The following CYP20A1 variants were observed in gnomAD, a reference collection of about 807,000 sequenced individuals.
The protein encoded by CYP20A1 is cytochrome P450 20A1.
CYP20A1 carries 61 observed loss-of-function variants against 61.4 expected under a neutral mutation model. The observed-to-expected ratio is 0.99, with a 90% confidence interval of 0.81 to 1.23. The LOEUF is 1.23. CYP20A1 is among the 50% of genes most tolerant of loss of function. CYP20A1 has a pLI of 0.00. For synonymous variants in CYP20A1, 193 were observed against 188.2 expected (o/e 1.03, Z -0.21); for missense variants, 530 against 542.4 (o/e 0.98, Z 0.23).
intron 3 of CYP20A1, among the ~76,000 whole-genome samples, chr2:203,250,920 C>T (rs949386101): frequency 1.3e-5 from 2 of 151,614 alleles, no homozygotes; most frequent in Admixed American, 6.6e-5. Context: ...AAAAATTAGC[C>T]GGGCATGCTG....
rs550882501 is a variant in CYP20A1 at position 203,296,842 on chromosome 2, A to C, written c.1323A>C (p.Glu441Asp). Reference sequence around the variant, plus strand: ...TTTCTGTGGAGGGACAGGTTATTGAAACAAAGTATGAACTGGTAACATCAT... The same window carrying C: ...TTTCTGTGGAGGGACAGGTTATTGACACAAAGTATGAACTGGTAACATCAT... Reference protein sequence around the residue: ...HLLSVEGQVIETKYELVTSSR... With the variant: ...HLLSVEGQVIDTKYELVTSSR... Residue 441 changes from glutamate to aspartate, a missense_variant, in exon 13 of 13, where the codon GAA (glutamate) becomes GAC (aspartate). By Grantham distance (45) the Glu-to-Asp change is conservative (BLOSUM62 2). Transcript: ENST00000356079. The C allele has an allele frequency of 7.7e-5, 124 of 1,611,904 alleles. 1 individual carries two copies. In the South Asian group the frequency reaches 1.3e-3, roughly 17 times the overall value.
At chr2:203,281,228 C>CA (rs1368546668) in intron 8 of CYP20A1, among the ~76,000 whole-genome samples, 1 of 152,000 alleles carries the variant, frequency 6.6e-6, no homozygotes, top group Admixed American at 6.6e-5. Flanking sequence ...ATTAGGGGAC[C>CA]AGGCAAGGTG....
In CYP20A1 at chr2:203,300,032, T is replaced by G. The variant is rs142841754; in HGVS notation, c.*3124T>G. On this transcript the variant is annotated 3_prime_UTR_variant, in exon 13 of 13. Transcript: ENST00000356079. ...AGAAGGTTAGAGTAGCCAATTGATA[T>G]GTAAACCAAGTGTCAGATCAGATGA... Among the ~76,000 whole-genome samples, 1 of 152,192 alleles carries G rather than the reference T, an allele frequency of 6.6e-6. No homozygotes were observed. Among genetic ancestry groups the G allele is most frequent in the Non-Finnish European group, 1.5e-5 (1 of 68,032 alleles).
chr2:203,270,417 G>T (rs1353513456), intron 5 of CYP20A1, among the ~76,000 whole-genome samples: 1 of 151,964 alleles, frequency 6.6e-6, no homozygotes, highest in Non-Finnish European at 1.5e-5. Flanking sequence ...GGGCTCAGGG[G>T]ATCCTCTGAC....
Position 203,297,045 on chromosome 2 carries a change from G to T in CYP20A1, c.*137G>T. 2 of 544,626 alleles carry T rather than the reference G, an allele frequency of 3.7e-6. No homozygotes were observed. The highest frequency in any genetic ancestry group is 6.3e-6 in the Non-Finnish European group (2 of 317,062). The allele number at this position is 544,626 out of a possible 1,614,324, so 33.7% of individuals were successfully genotyped here. On this transcript the variant is annotated 3_prime_UTR_variant, in exon 13 of 13. Transcript: ENST00000356079. ...ATTTGTACTTAATTTTGTAAATTTG[G>T]ATTTTTATATATCATATTTTCTTAA...
chr2:203,245,214 G>C (rs2105896205), intron 1 of CYP20A1, among the ~76,000 whole-genome samples: 1 of 151,278 alleles, frequency 6.6e-6, no homozygotes. Context: ...TTTTAGTAGA[G>C]AAGGGGTTTC....
At chr2:203,258,401 A>C (rs1369640737) in intron 4 of CYP20A1, among the ~76,000 whole-genome samples, 2 of 152,144 alleles carry the variant, frequency 1.3e-5, no homozygotes, top group Non-Finnish European at 1.5e-5. Context: ...AAAAAAAAAA[A>C]AAAAAAACGG....
At position 203,301,927 on chromosome 2, in the gene CYP20A1, T is replaced by G. The variant is rs576500531; in HGVS notation, c.*5019T>G. 4.6e-4 allele frequency among the ~76,000 whole-genome samples: 68 copies of G among 147,540 alleles called. No individual in the cohort carries two copies. The highest frequency in any genetic ancestry group is 7.9e-4 in the Non-Finnish European group (53 of 66,852). ...ACTGTTAAGATTCTTTTTTTTTTTTTTTTTTTTTTGTTTTGAGACTGAGTC... is the reference window on the plus strand; with the variant it reads ...ACTGTTAAGATTCTTTTTTTTTTTTGTTTTTTTTTGTTTTGAGACTGAGTC... On this transcript the variant is annotated 3_prime_UTR_variant, in exon 13 of 13. Transcript: ENST00000356079.
intron 5 of CYP20A1, among the ~76,000 whole-genome samples, chr2:203,269,619 C>T (rs1023053769): frequency 2.0e-5 from 3 of 151,878 alleles, no homozygotes; most frequent in Non-Finnish European, 2.9e-5. Context: ...CTCAGCCTCC[C>T]CAGTAGCTGG....
At chr2:203,252,995 G>A (rs969792778) in intron 4 of CYP20A1, among the ~76,000 whole-genome samples, 2 of 151,990 alleles carry the variant, frequency 1.3e-5, no homozygotes, top group East Asian at 3.9e-4. Context: ...CCTAGTTGGG[G>A]TGGCGAGCCA....
Position 203,303,911 on chromosome 2 carries a change from T to C in CYP20A1, c.*7003T>C, listed in dbSNP as rs2069120940. Among the ~76,000 whole-genome samples the C allele has an allele frequency of 6.8e-6, 1 of 146,606 alleles. No individual in the cohort carries two copies. The highest frequency in any genetic ancestry group is 2.5e-5 in the African/African-American group (1 of 39,734). On this transcript the variant is annotated 3_prime_UTR_variant, in exon 13 of 13. Transcript: ENST00000356079. ...AAAAAAAAACTTATTGAGAGAATAA[T>C]ATACCACTAATATTTAAAGAAATTT...
At chr2:203,245,421 G>A (rs1031598712) in intron 1 of CYP20A1, among the ~76,000 whole-genome samples, 7 of 151,746 alleles carry the variant, frequency 4.6e-5, no homozygotes, top group African/African-American at 1.7e-4. Context: ...TTGTATCAAG[G>A]GGGTTTGTTG....
Position 203,305,107 on chromosome 2 carries a change from T to G in CYP20A1, c.*8199T>G, listed in dbSNP as rs4675331. 0.9 allele frequency among the ~76,000 whole-genome samples: 135,468 copies of G among 151,302 alleles called. 61,458 individuals carry two copies. Among genetic ancestry groups the G allele is most frequent in the Non-Finnish European group, 0.96 (65,464 of 67,968 alleles). Reference sequence around the variant, plus strand: ...TAAAGTTTGAGTTGGGACCCATTTTTTAAGACATTCAGGCTATAAACAAGG... The same window carrying G: ...TAAAGTTTGAGTTGGGACCCATTTTGTAAGACATTCAGGCTATAAACAAGG... On this transcript the variant is annotated 3_prime_UTR_variant, in exon 13 of 13. Transcript: ENST00000356079.
chr2:203,267,715 G>A (rs2067387149), intron 5 of CYP20A1, among the ~76,000 whole-genome samples: 1 of 151,674 alleles, frequency 6.6e-6, no homozygotes, highest in African/African-American at 2.4e-5. Context: ...GTGGTGGCAG[G>A]AGCCTATAAT....
intron 1 of CYP20A1, among the ~76,000 whole-genome samples, chr2:203,245,338 TAA>T (rs35335666): frequency 2.6e-4 from 38 of 144,628 alleles, no homozygotes; most frequent in African/African-American, 5.0e-4. Flanking sequence ...AATCATTCTT[TAA>T]AAAAAAATTT....
At position 203,302,152 on chromosome 2, in the gene CYP20A1, C is replaced by T. The variant is rs559668938; in HGVS notation, c.*5244C>T. On this transcript the variant is annotated 3_prime_UTR_variant, in exon 13 of 13. Coordinates refer to ENST00000356079, the MANE Select transcript of CYP20A1 (RefSeq NM_177538.3). ...TGTTGGCCAGGCTGGCCTCGAACTC[C>T]TCAACCTCAAGTAGTCTGCCCACCT... is the stretch of plus-strand genomic sequence containing the variant. 6.6e-6 allele frequency among the ~76,000 whole-genome samples: 1 copy of T among 152,284 alleles called. No homozygotes were observed. The highest frequency in any genetic ancestry group is 1.9e-4 in the East Asian group (1 of 5,168).
chr2:203,301,735 C>T lies in CYP20A1; in HGVS notation c.*4827C>T, dbSNP rs1010323953. Among the ~76,000 whole-genome samples, 1 of 152,014 alleles carries T rather than the reference C, an allele frequency of 6.6e-6. No individual in the cohort carries two copies. The stretch of plus-strand genomic sequence containing the variant: ...CCATTTTTTATATAAATAGATTCTA[C>T]CTAACTTATAACCCCTATGTCAAAA... On this transcript the variant is annotated 3_prime_UTR_variant, in exon 13 of 13. Transcript: ENST00000356079.
At chr2:203,250,750 G>GTC (rs892710747) in intron 3 of CYP20A1, among the ~76,000 whole-genome samples, 11 of 152,064 alleles carry the variant, frequency 7.2e-5, no homozygotes, top group Non-Finnish European at 1.3e-4. Flanking sequence ...AGATTTTTCT[G>GTC]TCTCTCTCTC....
chr2:203,295,907 C>G (rs1167213310), intron 11 of CYP20A1, among the ~76,000 whole-genome samples: 1 of 152,026 alleles, frequency 6.6e-6, no homozygotes, highest in African/African-American at 2.4e-5. Flanking sequence ...CGAGATCACG[C>G]TACTGCACTC....
Sources: gnomAD v4.1 joint callset for allele counts (sites outside exome capture counted in the v4.1 genomes callset) on GRCh38, gnomAD v4.1.1 for gene constraint, MANE v1.5 for transcripts, NCBI Gene and HGNC (gene_info 2026-07-23, HGNC 2026-07-21) for gene names.